Variants in CA10 observed in about 807,000 individuals in gnomAD.
The protein encoded by CA10 is carbonic anhydrase-related protein 10.
In CA10, 14 loss-of-function variants were observed where a neutral mutation model predicts 44.2. The ratio of observed to expected loss-of-function variants is 0.32; its 90% CI spans 0.21 to 0.50. The LOEUF (loss-of-function observed/expected upper bound fraction) is 0.50, where lower values mean the gene tolerates loss of function less well. Among genes scored for constraint, CA10 ranks in the 20% least tolerant of loss-of-function variants. CA10 has a pLI of 0.99. For synonymous variants in CA10, 159 were observed against 141.6 expected (o/e 1.12, Z -0.87); for missense variants, 350 against 409.7 (o/e 0.85, Z 1.26).
At chr17:51,763,638 T>C (rs1905275850) in intron 3 of CA10, among the ~76,000 whole-genome samples, 1 of 152,156 alleles carries the variant, frequency 6.6e-6, no homozygotes. Context: ...ATGAGGTGAT[T>C]TCATGGTGCA....
chr17:51,926,147 CG>C (rs1278582715), intron 3 of CA10, among the ~76,000 whole-genome samples: 35 of 152,046 alleles, frequency 2.3e-4, no homozygotes, highest in Non-Finnish European at 2.4e-4. Flanking sequence ...GAAGAACTAT[CG>C]GTAGTTAAGA....
chr17:52,151,122 AC>A (rs2143411810), intron 1 of CA10, among the ~76,000 whole-genome samples: 2 of 152,258 alleles, frequency 1.3e-5, no homozygotes, highest in African/African-American at 4.8e-5. Flanking sequence ...AAACCTGATT[AC>A]GTCATTTTCC....
intron 2 of CA10, among the ~76,000 whole-genome samples, chr17:52,006,895 C>A (rs1985618413): frequency 6.6e-6 from 1 of 151,682 alleles, no homozygotes; most frequent in South Asian, 2.1e-4. Flanking sequence ...GCCAGTCGTG[C>A]ACATTGTGAT....
intron 1 of CA10, among the ~76,000 whole-genome samples, chr17:52,124,425 A>T (rs980735396): frequency 1.3e-5 from 2 of 152,198 alleles, no homozygotes; most frequent in Non-Finnish European, 2.9e-5. Flanking sequence ...GGATTCTGTT[A>T]CATTACCAAG....
intron 4 of CA10, among the ~76,000 whole-genome samples, chr17:51,714,590 A>G (rs1464912011): frequency 6.6e-6 from 1 of 152,200 alleles, no homozygotes; most frequent in Non-Finnish European, 1.5e-5. Flanking sequence ...GGGTAGAGAC[A>G]CACTGGTTTC....
intron 2 of CA10, among the ~76,000 whole-genome samples, chr17:52,048,415 A>G (rs1322464198): frequency 6.6e-6 from 1 of 152,070 alleles, no homozygotes; most frequent in East Asian, 1.9e-4. Flanking sequence ...CCGTGCAGGC[A>G]GTATAGCGGG....
chr17:52,016,629 G>C (rs1377943888), intron 2 of CA10, among the ~76,000 whole-genome samples: 1 of 152,028 alleles, frequency 6.6e-6, no homozygotes, highest in Non-Finnish European at 1.5e-5. Flanking sequence ...AAAAGACCCT[G>C]GGGCCAGATG....
intron 3 of CA10, among the ~76,000 whole-genome samples, chr17:51,795,387 C>G (rs574762827): frequency 6.6e-6 from 1 of 152,190 alleles, no homozygotes; most frequent in African/African-American, 2.4e-5. Flanking sequence ...CAAAGAGGAG[C>G]AATGGAGTTA....
chr17:51,869,624 T>C (rs1979714362), intron 3 of CA10, among the ~76,000 whole-genome samples: 1 of 152,106 alleles, frequency 6.6e-6, no homozygotes, highest in Non-Finnish European at 1.5e-5. Context: ...GTGAAAGCCA[T>C]TTAGGCTGGG....
intron 2 of CA10, among the ~76,000 whole-genome samples, chr17:51,944,949 T>C: frequency 6.6e-6 from 1 of 152,120 alleles, no homozygotes; most frequent in Non-Finnish European, 1.5e-5. Context: ...GCACCCACTT[T>C]CCGAATTTCT....
chr17:51,742,688 T>A (rs986274707), intron 4 of CA10, among the ~76,000 whole-genome samples: 5 of 152,226 alleles, frequency 3.3e-5, no homozygotes, highest in South Asian at 2.1e-4. Flanking sequence ...ATATTTTACA[T>A]ATGACTTTAA....
intron 2 of CA10, among the ~76,000 whole-genome samples, chr17:52,021,848 A>G (rs1986151053): frequency 6.6e-6 from 1 of 152,080 alleles, no homozygotes; most frequent in Admixed American, 6.6e-5. Flanking sequence ...CAAATATTCA[A>G]TCAGGAAGAA....
chr17:51,820,405 ACC>A (rs748623140), intron 3 of CA10, among the ~76,000 whole-genome samples: 1,057 of 39,204 alleles, frequency 0.027, 67 homozygotes, highest in Middle Eastern at 0.083. Context: ...GGATTCCCCT[ACC>A]CCCCCCCCCC....
At chr17:51,783,551 AG>A in intron 3 of CA10, among the ~76,000 whole-genome samples, 1 of 152,210 alleles carries the variant, frequency 6.6e-6, no homozygotes, top group Admixed American at 6.5e-5. Flanking sequence ...ACTCCAATCC[AG>A]GCTTTTTCTA....
chr17:51,965,724 C>T (rs571706350), intron 2 of CA10, among the ~76,000 whole-genome samples: 1 of 151,906 alleles, frequency 6.6e-6, no homozygotes, highest in South Asian at 2.1e-4. Flanking sequence ...TAATTAGAGC[C>T]ATCTATCACA....
At chr17:51,686,754 TTCACACTTGATCATC>T (rs2143409198) in intron 4 of CA10, among the ~76,000 whole-genome samples, 1 of 152,254 alleles carries the variant, frequency 6.6e-6, no homozygotes, top group African/African-American at 2.4e-5. Flanking sequence ...TTATCCCTAT[TTCACACTTGATCATC>T]TCACACTTGA....
chr17:51,762,392 G>A (rs568425920), intron 3 of CA10: 1 of 152,246 alleles, frequency 6.6e-6, no homozygotes, highest in East Asian at 1.9e-4. Flanking sequence ...TCCCAGAGGA[G>A]TGGGCATTTG....
intron 1 of CA10, among the ~76,000 whole-genome samples, chr17:52,077,555 G>A (rs2143157547): frequency 6.7e-6 from 1 of 150,158 alleles, no homozygotes; most frequent in East Asian, 2.0e-4. Flanking sequence ...GTAGGCCATA[G>A]TTTGCTCAGT....
intron 2 of CA10, among the ~76,000 whole-genome samples, chr17:52,067,130 G>C (rs1235042634): frequency 1.3e-5 from 2 of 152,204 alleles, no homozygotes; most frequent in Admixed American, 1.3e-4. Context: ...TGTCTCCAGG[G>C]CATGTCAAAG....
Sources: allele counts gnomAD v4.1 joint callset (sites outside exome capture counted in the v4.1 genomes callset), GRCh38; gene constraint gnomAD v4.1.1; transcripts MANE v1.5; gene names NCBI Gene and HGNC (gene_info 2026-07-23, HGNC 2026-07-21).